KHDRBS2: variants seen among roughly 807,000 people sequenced by gnomAD.
KHDRBS2 encodes KH RNA binding domain containing, signal transduction associated 2, also known as KH domain-containing, RNA-binding, signal transduction-associated protein 2.
KHDRBS2 carries 26 observed loss-of-function variants against 44.3 expected under a neutral mutation model. That is an observed-to-expected ratio of 0.59 (90% CI 0.43 to 0.81). The LOEUF (loss-of-function observed/expected upper bound fraction) is 0.81. KHDRBS2 is among the 40% of genes least tolerant of loss of function. The pLI is 0.00. For synonymous variants in KHDRBS2, 194 were observed against 151.1 expected (o/e 1.28, Z -2.08); for missense variants, 476 against 433.1 (o/e 1.10, Z -0.88).
At chr6:61,855,457 G>C (rs1428250100) in intron 6 of KHDRBS2, among the ~76,000 whole-genome samples, 1 of 148,804 alleles carries the variant, frequency 6.7e-6, no homozygotes, top group Non-Finnish European at 1.5e-5. Context: ...AGGTTTCTTT[G>C]AGAATGAACT....
intron 6 of KHDRBS2, among the ~76,000 whole-genome samples, chr6:61,788,105 A>G (rs1334075267): frequency 6.6e-6 from 1 of 151,602 alleles, no homozygotes; most frequent in Non-Finnish European, 1.5e-5. Context: ...GTAGTTTTCT[A>G]TTTACAAATA....
intron 7 of KHDRBS2, among the ~76,000 whole-genome samples, chr6:61,713,864 C>T (rs756436800): frequency 2.6e-5 from 4 of 151,606 alleles, no homozygotes; most frequent in Non-Finnish European, 5.9e-5. Flanking sequence ...AAACTAGATC[C>T]CTATCTTTTA....
intron 1 of KHDRBS2, among the ~76,000 whole-genome samples, chr6:62,200,159 C>G (rs937489527): frequency 6.6e-6 from 1 of 152,124 alleles, no homozygotes; most frequent in Non-Finnish European, 1.5e-5. Flanking sequence ...CAATACCACT[C>G]AGGACATAGG....
chr6:61,959,453 G>T (rs1279416705), intron 4 of KHDRBS2, among the ~76,000 whole-genome samples: 1 of 152,164 alleles, frequency 6.6e-6, no homozygotes, highest in African/African-American at 2.4e-5. Flanking sequence ...TATGTAGTTT[G>T]TGGTAACCAT....
intron 2 of KHDRBS2, among the ~76,000 whole-genome samples, chr6:62,128,113 G>A (rs997253799): frequency 1.3e-5 from 2 of 152,014 alleles, no homozygotes; most frequent in African/African-American, 4.8e-5. Flanking sequence ...CTTTCTCATC[G>A]TATTAGTGTA....
intron 7 of KHDRBS2, among the ~76,000 whole-genome samples, chr6:61,728,842 A>T (rs1773993206): frequency 6.6e-6 from 1 of 152,234 alleles, no homozygotes; most frequent in South Asian, 2.1e-4. Context: ...TTTTCTTTTT[A>T]AAAAAACTTT....
chr6:62,032,283 C>T (rs1374467513), intron 3 of KHDRBS2, among the ~76,000 whole-genome samples: 1 of 151,948 alleles, frequency 6.6e-6, no homozygotes, highest in East Asian at 1.9e-4. Context: ...TGGGTAGGCA[C>T]AATCTAATCA....
intron 6 of KHDRBS2, among the ~76,000 whole-genome samples, chr6:61,737,776 A>C (rs1259142790): frequency 6.6e-6 from 1 of 152,086 alleles, no homozygotes; most frequent in African/African-American, 2.4e-5. Context: ...CCAGATGTGG[A>C]AACTCATAAG....
Position 62,122,374 on chromosome 6 carries a change from G to T in KHDRBS2, c.219+54811C>A, listed in dbSNP as rs565917802. On this transcript the variant is annotated intron_variant, in intron 2 of 8. Transcript: ENST00000281156. ...TGAATGTTTGACTATGGGTCATCAA[G>T]TCACCATGTGACTTGAACTGCCTAT... Among the ~76,000 whole-genome samples the T allele has an allele frequency of 2.6e-5, 4 of 152,270 alleles. No individual in the cohort carries two copies. The East Asian group carries it at 5.8e-4, about 22-fold the overall frequency.
chr6:61,775,966 G>C (rs1284995263), intron 6 of KHDRBS2, among the ~76,000 whole-genome samples: 1 of 152,148 alleles, frequency 6.6e-6, no homozygotes, highest in Non-Finnish European at 1.5e-5. Flanking sequence ...GAACAGAACA[G>C]AACCCTCAGA....
rs61105265 is a variant in KHDRBS2 at position 61,945,113 on chromosome 6, GTA to G, written c.483+32951_483+32952del. Among the ~76,000 whole-genome samples, 17 of 14,986 alleles carry G rather than the reference GTA, an allele frequency of 1.1e-3. 1 individual carries two copies. The highest frequency in any genetic ancestry group is 2.8e-3 in the East Asian group (1 of 358). The allele number at this position is 14,986 out of a possible 152,430, so 9.8% of individuals were successfully genotyped here. A position where few individuals can be genotyped will look rare whatever the true frequency, so the allele number is the denominator to read the frequency against. ...CTTAAAAAAAAAAAAAAAAAAAAAA[GTA>G]TATATATATATATATATATATATAT... On this transcript the variant is annotated intron_variant, in intron 4 of 8. Transcript: ENST00000281156.
chr6:61,642,004 G>A, the KHDRBS2 span, among the ~76,000 whole-genome samples: 2 of 152,196 alleles, frequency 1.3e-5, no homozygotes, highest in African/African-American at 2.4e-5. Flanking sequence ...GGAGAGATGA[G>A]GTAGCTTGTT....
intron 2 of KHDRBS2, among the ~76,000 whole-genome samples, chr6:62,080,670 T>A (rs2127354402): frequency 6.6e-6 from 1 of 152,254 alleles, no homozygotes; most frequent in South Asian, 2.1e-4. Context: ...TTAGACCCAC[T>A]GACTACCCTT....
intron 1 of KHDRBS2, among the ~76,000 whole-genome samples, chr6:62,263,359 A>C (rs891311692): frequency 6.6e-6 from 1 of 151,692 alleles, no homozygotes. Context: ...TGTAATATCA[A>C]TTCTTTTTTC....
chr6:61,981,658 A>G (rs749371721), intron 3 of KHDRBS2, among the ~76,000 whole-genome samples: 1 of 152,208 alleles, frequency 6.6e-6, no homozygotes, highest in Non-Finnish European at 1.5e-5. Context: ...TGCAAAAATC[A>G]AATTCTAAAT....
intron 2 of KHDRBS2, among the ~76,000 whole-genome samples, chr6:62,124,655 G>T (rs1296244750): frequency 6.6e-6 from 1 of 150,702 alleles, no homozygotes; most frequent in Non-Finnish European, 1.5e-5. Context: ...TGGACACTTA[G>T]GTTGATTCCA....
rs183733451 is a variant in KHDRBS2 at position 62,073,818 on chromosome 6, A to C, written c.220-25824T>G. On this transcript the variant is annotated intron_variant, in intron 2 of 8. Transcript: ENST00000281156. Reference sequence around the variant, plus strand: ...TCCTAATAGCTCTTCACCAAGATCGACATTAGTTGTCAACAATCTAAATCA... The same window carrying C: ...TCCTAATAGCTCTTCACCAAGATCGCCATTAGTTGTCAACAATCTAAATCA... Among the ~76,000 whole-genome samples the C allele has an allele frequency of 5.9e-5, 9 of 151,830 alleles. No individual in the cohort carries two copies. The East Asian group carries it at 1.8e-3, about 30-fold the overall frequency.
At chr6:62,094,948 T>C (rs1316305912) in intron 2 of KHDRBS2, among the ~76,000 whole-genome samples, 3 of 151,974 alleles carry the variant, frequency 2.0e-5, no homozygotes, top group Non-Finnish European at 2.9e-5. Context: ...GTACCTGCTG[T>C]TTTGGTTACT....
At chr6:62,214,928 T>C (rs1563076494) in intron 1 of KHDRBS2, among the ~76,000 whole-genome samples, 2 of 151,972 alleles carry the variant, frequency 1.3e-5, no homozygotes, top group Non-Finnish European at 2.9e-5. Flanking sequence ...CATTTGACAT[T>C]CACATTTTTA....
Sources: gnomAD v4.1 joint callset for allele counts (sites outside exome capture counted in the v4.1 genomes callset) on GRCh38, gnomAD v4.1.1 for gene constraint, MANE v1.5 for transcripts, NCBI Gene and HGNC (gene_info 2026-07-23, HGNC 2026-07-21) for gene names.